The following CDKL2 variants were observed in gnomAD, a reference collection of about 807,000 sequenced individuals.
CDKL2 encodes the protein cyclin-dependent kinase-like 2.
CDKL2 carries 64 observed loss-of-function variants against 63.9 expected under a neutral mutation model. The ratio of observed to expected loss-of-function variants is 1.00; its 90% CI spans 0.82 to 1.23. The LOEUF (loss-of-function observed/expected upper bound fraction) is 1.23, where lower values mean the gene tolerates loss of function less well. CDKL2 is among the 50% of genes most tolerant of loss of function. The pLI is 0.00. For missense variants in CDKL2, 656 were observed against 668.0 expected (o/e 0.98, Z 0.20); for synonymous variants, 211 against 229.2 (o/e 0.92, Z 0.72).
At position 75,578,417 on chromosome 4, in the gene CDKL2, T is replaced by C. The variant is rs1259324014; in HGVS notation, c.*785A>G. 6.6e-6 allele frequency: 1 copy of C among 152,178 alleles called. No homozygotes were observed. Among genetic ancestry groups the C allele is most frequent in the Admixed American group, 6.5e-5 (1 of 15,278 alleles). The allele number at this position is 152,178 out of a possible 1,614,324, so 9.4% of individuals were successfully genotyped here. ...GAGCATTAGCACCAGAATCTTACAATACATGGAACTAACCAATGCCAGAGT... is the reference window on the plus strand; with the variant it reads ...GAGCATTAGCACCAGAATCTTACAACACATGGAACTAACCAATGCCAGAGT... On this transcript the variant is annotated 3_prime_UTR_variant, in exon 14 of 14. Transcript: ENST00000307465.
intron 4 of CDKL2, among the ~76,000 whole-genome samples, 154 bp from the exon 5 acceptor site, chr4:75,605,788 C>T (rs1729401608): frequency 7.0e-6 from 1 of 143,176 alleles, no homozygotes; most frequent in African/African-American, 2.6e-5. Context: ...TGGTATAATG[C>T]AAATATCCCA....
intron 10 of CDKL2, 162 bp downstream of exon 10, chr4:75,596,085 C>T (rs1414290619): frequency 4.7e-6 from 2 of 421,500 alleles, no homozygotes; most frequent in South Asian, 7.0e-5. Context: ...CAGAATTTCA[C>T]GTTTATGACT....
At chr4:75,595,999 AGG>A in intron 10 of CDKL2, 2 of 335,584 alleles carry the variant, frequency 6.0e-6, no homozygotes, top group South Asian at 1.3e-4. Flanking sequence ...GAAGGAAGGA[AGG>A]AAGGAAGGAA....
intron 10 of CDKL2, chr4:75,596,005 GAAGGAAGGAAGGAAGGAAGGAAGGAAGA>G (rs879655855): frequency 0.28 from 69,373 of 246,680 alleles, 9,750 homozygotes; most frequent in Non-Finnish European, 0.33. Context: ...AGGAAGGAAG[GAAGGAAGGAAGGAAGGAAGGAAGGAAGA>G]AAGGAAGGAA....
intron 12 of CDKL2, among the ~76,000 whole-genome samples, chr4:75,582,969 GTAAAA>G (rs1206859071): frequency 6.6e-6 from 1 of 152,034 alleles, no homozygotes; most frequent in African/African-American, 2.4e-5. Flanking sequence ...AAGAATTAAA[GTAAAA>G]TAAAGTCATT....
Position 75,592,153 on chromosome 4 carries a change from T to A in CDKL2, c.1533A>T (p.Gly511=). The stretch of plus-strand genomic sequence containing the variant: ...AAAGCATTATCAACACACCTATGCC[T>A]CCCAGTGCTCTTAGTTCAGGGAGAT... The part of the protein sequence containing the change: ...YNHLPELRAL[G]GIARNSRLTK... The change falls in exon 11 of 14, where the codon GGA becomes GGT. Residue 511 remains glycine, a synonymous_variant. Coordinates refer to ENST00000307465, the MANE Select transcript of CDKL2 (RefSeq NM_001330724.2). 6.5e-7 allele frequency: 1 copy of A among 1,533,602 alleles called. No homozygotes were observed. Among genetic ancestry groups the A allele is most frequent in the Non-Finnish European group, 8.7e-7 (1 of 1,146,158 alleles). 95.0% of individuals were successfully genotyped at this position (1,533,602 alleles called of 1,614,324 possible).
chr4:75,596,943 C>T lies in CDKL2; in HGVS notation c.1314G>A (p.Gln438=), dbSNP rs767793599. The change falls in exon 9 of 14, where the codon CAG becomes CAA. Residue 438 remains glutamine (Q), a synonymous_variant. Coordinates refer to ENST00000307465, the MANE Select transcript of CDKL2 (RefSeq NM_001330724.2). ...ATTTTACTAATTCATACCTGTAACCCTGAATTGGTATAGTCTCAGTCCCCA... is the reference window on the plus strand; with the variant it reads ...ATTTTACTAATTCATACCTGTAACCTTGAATTGGTATAGTCTCAGTCCCCA... ...SGMGTETIPI[Q]GYRVDEKTKK... 1.9e-6 allele frequency: 3 copies of T among 1,608,962 alleles called. No individual in the cohort carries two copies. The highest frequency in any genetic ancestry group is 1.7e-5 in the Admixed American group (1 of 59,770).
chr4:75,607,105 T>G, intron 4 of CDKL2, 78 bp downstream of exon 4: 1 of 1,163,792 alleles, frequency 8.6e-7, no homozygotes, highest in Non-Finnish European at 1.2e-6. Context: ...GAGGGATCAT[T>G]TACTATATCA....
rs770737634 is a variant in CDKL2 at position 75,598,135 on chromosome 4, T to C, written c.962A>G (p.Lys321Arg). Residue 321 changes from lysine (K) to arginine (R), a missense_variant, in exon 8 of 14, where the codon AAG becomes AGG. Physicochemically the swap from Lys to Arg is conservative, Grantham distance 26 (BLOSUM62 2). Transcript: ENST00000307465. ...VSLSKKSQNR[K>R]KEKEKDDSLV... ...GGAATCATCTTTTTCTTTTTCCTTC[T>C]TTCTGTTTTGGGATTTTTTAGATAA... The C allele has an allele frequency of 6.4e-7, 1 of 1,559,640 alleles. No individual in the cohort carries two copies. Among genetic ancestry groups the C allele is most frequent in the Non-Finnish European group, 8.7e-7 (1 of 1,142,914 alleles).
In CDKL2 at chr4:75,578,581, A is replaced by G. The variant is rs150618558; in HGVS notation, c.*621T>C. ...TTACAGAAGTCAAAGATACACATCTACCCATGGACAGGAGTTACATATTCA... is the reference window on the plus strand; with the variant it reads ...TTACAGAAGTCAAAGATACACATCTGCCCATGGACAGGAGTTACATATTCA... On this transcript the variant is annotated 3_prime_UTR_variant, in exon 14 of 14. Transcript: ENST00000307465. 5.4e-4 allele frequency: 82 copies of G among 152,366 alleles called. No individual in the cohort carries two copies. In the East Asian group the frequency reaches 0.014, roughly 26 times the overall value. The allele number at this position is 152,366 out of a possible 1,614,324, so 9.4% of individuals were successfully genotyped here. A position where few individuals can be genotyped will look rare whatever the true frequency, so the allele number is the denominator to read the frequency against.
intron 6 of CDKL2, 75 bp downstream of exon 6, chr4:75,603,742 A>G: frequency 1.1e-6 from 1 of 933,434 alleles, no homozygotes; most frequent in Non-Finnish European, 1.5e-6. Context: ...CAACTAGACA[A>G]GTAAAAAAAA....
Position 75,624,450 on chromosome 4 carries a change from A to T in CDKL2, c.168+1371T>A, listed in dbSNP as rs1730304726. Among the ~76,000 whole-genome samples the T allele has an allele frequency of 2.0e-5, 3 of 151,786 alleles. No individual in the cohort carries two copies. The South Asian group carries it at 6.3e-4, about 32-fold the overall frequency. On this transcript the variant is annotated intron_variant, in intron 2 of 13. Coordinates refer to ENST00000307465, the MANE Select transcript of CDKL2 (RefSeq NM_001330724.2). ...ACCTGCAATCCCAGCTACTTGGGAG[A>T]CTGAGGTGTAGGATTGCTTGAGCCC... is the stretch of plus-strand genomic sequence containing the variant.
At position 75,630,196 on chromosome 4, in the gene CDKL2, G is replaced by A. The variant is rs535440265; in HGVS notation, c.-184C>T. 2.3e-4 allele frequency: 35 copies of A among 152,796 alleles called. No individual in the cohort carries two copies. The highest frequency in any genetic ancestry group is 8.2e-4 in the African/African-American group (34 of 41,590). The allele number at this position is 152,796 out of a possible 1,614,324, so 9.5% of individuals were successfully genotyped here. A position where few individuals can be genotyped will look rare whatever the true frequency, so the allele number is the denominator to read the frequency against. On this transcript the variant is annotated 5_prime_UTR_variant, in exon 1 of 14. Coordinates refer to ENST00000307465, the MANE Select transcript of CDKL2 (RefSeq NM_001330724.2). ...TGATTTCTTCTGCGGACGCAGTCAC[G>A]AGTCCAGGGCGAAGCAGGCAGGGAG...
At chr4:75,613,967 G>T (rs898127532) in intron 3 of CDKL2, among the ~76,000 whole-genome samples, 4 of 152,182 alleles carry the variant, frequency 2.6e-5, no homozygotes, top group Admixed American at 2.6e-4. Context: ...TGAGGCAAGA[G>T]AATCACTTGA....
At chr4:75,595,147 A>C (rs1220917663) in intron 10 of CDKL2, among the ~76,000 whole-genome samples, 1 of 152,028 alleles carries the variant, frequency 6.6e-6, no homozygotes, top group Non-Finnish European at 1.5e-5. Context: ...CCAGTGTCTC[A>C]CACATAACGA....
chr4:75,619,577 T>TA (rs71203836), intron 2 of CDKL2, among the ~76,000 whole-genome samples: 1,882 of 78,088 alleles, frequency 0.024, 90 homozygotes, highest in East Asian at 0.044. Flanking sequence ...CACAGCTGTA[T>TA]AAAAAAAAAA....
intron 12 of CDKL2, among the ~76,000 whole-genome samples, chr4:75,582,527 T>G (rs1285573205): frequency 6.6e-6 from 1 of 151,386 alleles, no homozygotes; most frequent in Non-Finnish European, 1.5e-5. Flanking sequence ...GTGAACAGAG[T>G]CTCGGGAACC....
At chr4:75,601,971 C>T (rs1198819269) in intron 6 of CDKL2, among the ~76,000 whole-genome samples, 2 of 152,106 alleles carry the variant, frequency 1.3e-5, no homozygotes, top group African/African-American at 2.4e-5. Context: ...ACTTTTTGAG[C>T]TAAAAATTCC....
At chr4:75,619,577 T>TAAAAAAAAAAAA (rs71203836) in intron 2 of CDKL2, among the ~76,000 whole-genome samples, 1 of 78,146 alleles carries the variant, frequency 1.3e-5, no homozygotes, top group Non-Finnish European at 2.4e-5. Flanking sequence ...CACAGCTGTA[T>TAAAAAAAAAAAA]AAAAAAAAAA....
Sources: gnomAD v4.1 joint callset for allele counts (sites outside exome capture counted in the v4.1 genomes callset) on GRCh38, gnomAD v4.1.1 for gene constraint, MANE v1.5 for transcripts, NCBI Gene and HGNC (gene_info 2026-07-23, HGNC 2026-07-21) for gene names.